Variants in TMIGD3 observed in about 807,000 individuals in gnomAD.
TMIGD3 encodes AD026 protein (AD026).
Under a neutral mutation model 28.1 loss-of-function variants are expected in TMIGD3, and 21 were observed. That is an observed-to-expected ratio of 0.75 (90% confidence interval 0.53 to 1.08). TMIGD3 has a LOEUF of 1.08. Ranked by LOEUF, TMIGD3 falls within the 50% of genes least tolerant of loss-of-function variation. The pLI, the probability that TMIGD3 is intolerant of heterozygous loss-of-function variation, is 0.00. For missense variants in TMIGD3, 416 were observed against 435.6 expected, an observed-to-expected ratio of 0.96 and a Z score of 0.40; for synonymous variants, 151 against 162.1, an observed-to-expected ratio of 0.93 and a Z score of 0.52.
In TMIGD3 at chr1:111,502,990, C is replaced by T. The variant is rs1396989587; in HGVS notation, c.350+15G>A. ...CAGCTGCCTCAATTGCTGCCCACCC[C>T]ACGCCGCAGGCTACCTGACGGTAAG... is the stretch of plus-strand genomic sequence containing the variant. On this transcript the variant is annotated intron_variant, in intron 1 of 5. Coordinates refer to ENST00000369716, the MANE Select transcript of TMIGD3 (RefSeq NM_020683.7). 1.2e-6 allele frequency: 2 copies of T among 1,610,210 alleles called. No individual in the cohort carries two copies. The highest frequency in any genetic ancestry group is 1.1e-5 in the South Asian group (1 of 90,982).
At chr1:111,533,547 G>A (rs1219971989) in intron 1 of TMIGD3, among the ~76,000 whole-genome samples, 3 of 151,958 alleles carry the variant, frequency 2.0e-5, no homozygotes, top group South Asian at 4.2e-4. Context: ...CATTACTTAC[G>A]GTAGAGCTTT....
intron 4 of TMIGD3, 49 bp from the exon 5 acceptor site, chr1:111,485,889 T>A (rs752219184): frequency 2.1e-5 from 30 of 1,446,152 alleles, no homozygotes; most frequent in Non-Finnish European, 2.8e-5. Context: ...AAACTGCCTA[T>A]TGATTCTCAG....
intron 1 of TMIGD3, among the ~76,000 whole-genome samples, chr1:111,558,428 C>G (rs1045843776): frequency 1.4e-4 from 21 of 152,036 alleles, no homozygotes; most frequent in Non-Finnish European, 2.9e-5. Context: ...CTCAAGCAAT[C>G]CACCTGCCTC....
intron 1 of TMIGD3, chr1:111,500,837 G>T: frequency 9.8e-6 from 5 of 509,810 alleles, no homozygotes; most frequent in Admixed American, 3.5e-5. Context: ...TAAGGAGGAT[G>T]TTGCCTAGAG....
chr1:111,524,007 G>GTTTC (rs1193976043), intron 1 of TMIGD3, among the ~76,000 whole-genome samples: 41 of 130,116 alleles, frequency 3.2e-4, no homozygotes, highest in Non-Finnish European at 6.1e-4. Context: ...TACTCTTCTT[G>GTTTC]TTTCTTTCTT....
chr1:111,553,625 TC>T (rs1657364192), intron 1 of TMIGD3, among the ~76,000 whole-genome samples: 1 of 152,208 alleles, frequency 6.6e-6, no homozygotes, highest in African/African-American at 2.4e-5. Flanking sequence ...TCAGACTCCT[TC>T]CTACCTACTC....
chr1:111,539,909 A>C (rs1656759024), intron 1 of TMIGD3, among the ~76,000 whole-genome samples: 2 of 152,190 alleles, frequency 1.3e-5, no homozygotes, highest in Non-Finnish European at 2.9e-5. Flanking sequence ...CAGACATTAG[A>C]AACACATTGA....
rs1020795430 is a variant in TMIGD3, at chr1:111,499,332, C to T, written c.350+3673G>A. On this transcript the variant is annotated intron_variant, in intron 1 of 5. Coordinates refer to ENST00000369716, the MANE Select transcript of TMIGD3 (RefSeq NM_020683.7). ...GGCTAAGAGTAAGAAGGTGAGTATG[C>T]CAACACATGGCTCCAAGTAGCAAGC... is the stretch of plus-strand genomic sequence containing the variant. 3.5e-5 allele frequency: 27 copies of T among 761,354 alleles called. No homozygotes were observed. The African/African-American group carries it at 4.6e-4, about 13-fold the overall frequency. The allele number at this position is 761,354 out of a possible 1,614,324, so 47.2% of individuals were successfully genotyped here.
At chr1:111,514,111 C>T (rs908158274) in intron 1 of TMIGD3, among the ~76,000 whole-genome samples, 4 of 152,218 alleles carry the variant, frequency 2.6e-5, no homozygotes, top group Non-Finnish European at 5.9e-5. Context: ...AGGGAGGATG[C>T]ACATACCCTT....
intron 1 of TMIGD3, chr1:111,542,441 A>C (rs745453873): frequency 3.6e-5 from 8 of 220,762 alleles, no homozygotes; most frequent in Non-Finnish European, 2.8e-5. Context: ...CTCCGCCCTT[A>C]AGAGAGCAAG....
At chr1:111,495,556 T>G (rs1654852619) in intron 1 of TMIGD3, among the ~76,000 whole-genome samples, 1 of 152,206 alleles carries the variant, frequency 6.6e-6, no homozygotes, top group African/African-American at 2.4e-5. Context: ...TTGAACCAAT[T>G]ACTAAATAAA....
intron 1 of TMIGD3, among the ~76,000 whole-genome samples, chr1:111,512,403 G>C (rs1359458765): frequency 1.3e-5 from 2 of 152,234 alleles, no homozygotes; most frequent in Non-Finnish European, 2.9e-5. Flanking sequence ...TCACTGTCAG[G>C]CTCCAGCCAT....
At chr1:111,556,373 C>A (rs1657493293) in intron 1 of TMIGD3, among the ~76,000 whole-genome samples, 1 of 151,976 alleles carries the variant, frequency 6.6e-6, no homozygotes, top group Admixed American at 6.6e-5. Flanking sequence ...GGCAGTTTCT[C>A]AAAAAATTAA....
At chr1:111,530,485 C>A (rs1171702208) in intron 1 of TMIGD3, among the ~76,000 whole-genome samples, 2 of 152,190 alleles carry the variant, frequency 1.3e-5, no homozygotes, top group Non-Finnish European at 2.9e-5. Context: ...CTTCCTTTAA[C>A]ATTTATTGTT....
At chr1:111,554,051 A>T (rs1571462143) in intron 1 of TMIGD3, among the ~76,000 whole-genome samples, 1 of 152,380 alleles carries the variant, frequency 6.6e-6, no homozygotes, top group East Asian at 1.9e-4. Flanking sequence ...GTGCATATGC[A>T]CTAAAGCCAG....
chr1:111,551,807 T>G (rs576376495), intron 1 of TMIGD3, among the ~76,000 whole-genome samples: 1 of 151,316 alleles, frequency 6.6e-6, no homozygotes, highest in African/African-American at 2.4e-5. Context: ...TTCTGCAACT[T>G]TATTGGGGCA....
chr1:111,549,083 T>C (rs1657147251), intron 1 of TMIGD3, among the ~76,000 whole-genome samples: 1 of 152,200 alleles, frequency 6.6e-6, no homozygotes, highest in African/African-American at 2.4e-5. Flanking sequence ...AATTTGTTAG[T>C]ATTTTGTTGA....
chr1:111,486,485 T>G (rs1250413951), intron 4 of TMIGD3, 101 bp downstream of exon 4: 2 of 833,310 alleles, frequency 2.4e-6, no homozygotes, highest in Middle Eastern at 3.4e-4. Flanking sequence ...AGTAGAAAAG[T>G]TGTCGGTGCA....
intron 1 of TMIGD3, among the ~76,000 whole-genome samples, chr1:111,528,979 T>C (rs1577931): frequency 1.3e-5 from 2 of 151,724 alleles, no homozygotes; most frequent in African/African-American, 4.8e-5. Flanking sequence ...CGTTTCTTTC[T>C]TCCCATCTGT....
Sources: gnomAD v4.1 joint callset for allele counts (sites outside exome capture counted in the v4.1 genomes callset) on GRCh38, gnomAD v4.1.1 for gene constraint, MANE v1.5 for transcripts, NCBI Gene and HGNC (gene_info 2026-07-23, HGNC 2026-07-21) for gene names.